Variants in ZSCAN5A observed in about 807,000 individuals in gnomAD.
ZSCAN5A encodes zinc finger and SCAN domain-containing protein 5A.
Under a neutral mutation model 23.7 loss-of-function variants are expected in ZSCAN5A, and 12 were observed. The observed-to-expected ratio is 0.51, with a 90% CI of 0.32 to 0.82. The LOEUF (loss-of-function observed/expected upper bound fraction) is 0.82, where lower values mean the gene tolerates loss of function less well. ZSCAN5A is among the 40% of genes least tolerant of loss of function. The pLI is 0.03. For missense variants in ZSCAN5A, 597 were observed against 617.9 expected (o/e 0.97, Z 0.36); for synonymous variants, 257 against 239.9 (o/e 1.07, Z -0.66).
chr19:56,344,600 G>A (rs1475603824), intron 2 of ZSCAN5A, among the ~76,000 whole-genome samples: 4 of 150,854 alleles, frequency 2.7e-5, no homozygotes, highest in Admixed American at 6.6e-5. Flanking sequence ...GAGAAACCCC[G>A]TCTCTATTAA....
At chr19:56,302,551 C>T (rs1395932979) in intron 2 of ZSCAN5A, among the ~76,000 whole-genome samples, 5 of 40,014 alleles carry the variant, frequency 1.2e-4, no homozygotes, top group Admixed American at 5.5e-4. Context: ...CCCCGTTCCT[C>T]CCTCCCTCCC....
chr19:56,272,956 T>C, intron 2 of ZSCAN5A: 1 of 933,216 alleles, frequency 1.1e-6, no homozygotes, highest in Non-Finnish European at 1.3e-6. Context: ...CCTCTATGTA[T>C]TTTCTTACAA....
At chr19:56,302,601 T>G in intron 2 of ZSCAN5A, among the ~76,000 whole-genome samples, 1 of 66,082 alleles carries the variant, frequency 1.5e-5, no homozygotes, top group Non-Finnish European at 3.0e-5. Context: ...CCTCTCCCTC[T>G]TCTTCCTCTC....
chr19:56,287,723 A>G (rs543171320), intron 2 of ZSCAN5A, among the ~76,000 whole-genome samples: 1 of 152,354 alleles, frequency 6.6e-6, no homozygotes, highest in South Asian at 2.1e-4. Flanking sequence ...CATCTGAGTC[A>G]TTAAACAGGT....
At chr19:56,313,478 G>A (rs188106463) in intron 1 of ZSCAN5A, 94 bp from the exon 2 acceptor site, 3 of 155,836 alleles carry the variant, frequency 1.9e-5, no homozygotes, top group Non-Finnish European at 2.9e-5. Flanking sequence ...TACCTCCCAC[G>A]GGGTCCCTCC....
At chr19:56,304,348 C>T (rs1014345156) in intron 2 of ZSCAN5A, among the ~76,000 whole-genome samples, 2 of 152,174 alleles carry the variant, frequency 1.3e-5, no homozygotes, top group Non-Finnish European at 2.9e-5. Context: ...ACGGGGGTGA[C>T]GTTGCCACCC....
intron 2 of ZSCAN5A, chr19:56,348,251 C>T (rs1038543524): frequency 1.3e-5 from 2 of 152,224 alleles, no homozygotes; most frequent in Admixed American, 6.5e-5. Context: ...GTCTTCTCCT[C>T]TCTAATCCAG....
Position 56,248,448 on chromosome 19 carries a change from G to C in ZSCAN5A, c.-127-23275C>G, listed in dbSNP as rs556157750. Among the ~76,000 whole-genome samples the C allele has an allele frequency of 2.0e-5, 3 of 152,040 alleles. No individual in the cohort carries two copies. In the East Asian group the frequency reaches 5.8e-4, roughly 30 times the overall value. ...TAATTTTTGTATTTTTTTGTAGAGA[G>C]GGGTTTTGCCACGTTGCCCAGCCTG... On this transcript the variant is annotated intron_variant, in intron 2 of 5. Transcript: ENST00000683990.
At chr19:56,285,025 G>GT in intron 2 of ZSCAN5A, 1 of 985,274 alleles carries the variant, frequency 1.0e-6, no homozygotes, top group Non-Finnish European at 1.2e-6. Context: ...TCACCGGATG[G>GT]TAAGTGTCAG....
intron 2 of ZSCAN5A, among the ~76,000 whole-genome samples, chr19:56,308,191 G>T (rs1490607163): frequency 6.7e-6 from 1 of 149,542 alleles, no homozygotes; most frequent in African/African-American, 2.5e-5. Context: ...GTGCCACCAC[G>T]CCCAGCTAAG....
intron 2 of ZSCAN5A, among the ~76,000 whole-genome samples, chr19:56,334,523 T>C (rs1052124750): frequency 2.0e-5 from 3 of 152,256 alleles, no homozygotes; most frequent in African/African-American, 7.2e-5. Flanking sequence ...ATGAAATATT[T>C]TGATATAAGC....
chr19:56,352,673 G>T lies in ZSCAN5A; in HGVS notation c.-358+10562C>A, dbSNP rs2041674839. ...AAATTACAAAGAACAACTTGATTAGGTATCAGGAGCAGAATCCTTGCTAAA... is the reference window on the plus strand; with the variant it reads ...AAATTACAAAGAACAACTTGATTAGTTATCAGGAGCAGAATCCTTGCTAAA... On this transcript the variant is annotated intron_variant, in intron 2 of 6. Transcript: ENST00000587340. The surrounding 1 kb of genome is among the most constrained non-coding windows in gnomAD (Gnocchi z 4.2). 6.6e-6 allele frequency among the ~76,000 whole-genome samples: 1 copy of T among 152,204 alleles called. No individual in the cohort carries two copies. Among genetic ancestry groups the T allele is most frequent in the African/African-American group, 2.4e-5 (1 of 41,456 alleles).
chr19:56,343,199 G>T, intron 2 of ZSCAN5A: 1 of 764,232 alleles, frequency 1.3e-6, no homozygotes, highest in Non-Finnish European at 2.3e-6. Flanking sequence ...TTTCTCCTCA[G>T]GAGAAGTTAT....
intron 2 of ZSCAN5A, among the ~76,000 whole-genome samples, chr19:56,299,214 C>T (rs556392289): frequency 3.2e-4 from 48 of 151,994 alleles, no homozygotes; most frequent in African/African-American, 1.1e-3. Context: ...TCACCACAGC[C>T]CTAAACTCCT....
intron 2 of ZSCAN5A, chr19:56,302,158 G>A: frequency 6.8e-6 from 8 of 1,181,178 alleles, no homozygotes; most frequent in South Asian, 4.3e-5. Flanking sequence ...GAGGGAAGTG[G>A]GGGCACAGAG....
intron 2 of ZSCAN5A, among the ~76,000 whole-genome samples, chr19:56,350,611 G>A (rs908460977): frequency 2.0e-5 from 3 of 152,052 alleles, no homozygotes; most frequent in Non-Finnish European, 4.4e-5. Flanking sequence ...AAAAGTTACC[G>A]CTATATTAAC....
intron 2 of ZSCAN5A, among the ~76,000 whole-genome samples, chr19:56,337,889 T>G (rs2041555615): frequency 6.6e-6 from 1 of 152,242 alleles, no homozygotes; most frequent in Non-Finnish European, 1.5e-5. Context: ...ATTACAGATT[T>G]GTAAGTTTTT....
intron 2 of ZSCAN5A, chr19:56,347,835 G>A (rs537578944): frequency 2.0e-5 from 3 of 152,326 alleles, no homozygotes; most frequent in Non-Finnish European, 4.4e-5. Flanking sequence ...TATGGACCAG[G>A]AGGAGGATGC....
At chr19:56,257,461 G>A (rs978586760) in intron 2 of ZSCAN5A, among the ~76,000 whole-genome samples, 12 of 152,136 alleles carry the variant, frequency 7.9e-5, no homozygotes, top group Non-Finnish European at 1.8e-4. Flanking sequence ...ATGTGGGAGC[G>A]AGATGCCCAC....
Sources: gnomAD v4.1 joint callset for allele counts (sites outside exome capture counted in the v4.1 genomes callset) on GRCh38, gnomAD v4.1.1 for gene constraint, Gnocchi (gnomAD v3.1) non-coding constraint, MANE v1.5 for transcripts, NCBI Gene and HGNC (gene_info 2026-07-23, HGNC 2026-07-21) for gene names.